Variants in TMOD3 observed in about 807,000 individuals in gnomAD.
TMOD3 encodes the protein tropomodulin 3.
Under a neutral mutation model 39.2 loss-of-function variants are expected in TMOD3, and 20 were observed. The observed-to-expected ratio is 0.51, with a 90% CI of 0.36 to 0.74. TMOD3 has a LOEUF of 0.74. Ranked by LOEUF, TMOD3 falls within the 30% of genes least tolerant of loss-of-function variation. The pLI, the probability that TMOD3 is intolerant of heterozygous loss-of-function variation, is 0.00. For synonymous variants in TMOD3, 143 were observed against 145.8 expected, an observed-to-expected ratio of 0.98 and a Z score of 0.14; for missense variants, 381 against 412.8, an observed-to-expected ratio of 0.92 and a Z score of 0.67.
At chr15:51,871,171 T>A (rs1448335934) in intron 3 of TMOD3, among the ~76,000 whole-genome samples, 1 of 152,212 alleles carries the variant, frequency 6.6e-6, no homozygotes, top group Non-Finnish European at 1.5e-5. Context: ...CAGGTGGGAA[T>A]GTCATGTCCC....
chr15:51,887,956 A>T (rs2056573639), intron 4 of TMOD3, among the ~76,000 whole-genome samples: 1 of 152,228 alleles, frequency 6.6e-6, no homozygotes, highest in African/African-American at 2.4e-5. Context: ...ATCTTTTCCC[A>T]TGTTGTCATA....
At chr15:51,903,462 A>G (rs1405400182) in intron 9 of TMOD3, among the ~76,000 whole-genome samples, 1 of 152,214 alleles carries the variant, frequency 6.6e-6, no homozygotes, top group Non-Finnish European at 1.5e-5. Flanking sequence ...CCCATTCTGT[A>G]AAAGTTTCTG....
chr15:51,838,776 T>G (rs1358929573), intron 1 of TMOD3, among the ~76,000 whole-genome samples: 1 of 152,156 alleles, frequency 6.6e-6, no homozygotes, highest in Non-Finnish European at 1.5e-5. Context: ...TGACCTTCTG[T>G]GCTTTCCCCT....
At chr15:51,879,485 T>C (rs963226185) in intron 3 of TMOD3, among the ~76,000 whole-genome samples, 1 of 152,108 alleles carries the variant, frequency 6.6e-6, no homozygotes, top group African/African-American at 2.4e-5. Context: ...GTCATTTAGA[T>C]AGAATGCTAT....
intron 6 of TMOD3, 77 bp from the exon 7 acceptor site, chr15:51,896,342 A>T (rs937463919): frequency 4.8e-6 from 5 of 1,050,290 alleles, no homozygotes; most frequent in Non-Finnish European, 7.0e-6. Context: ...AGCAAAAAAA[A>T]CCATATATTT....
At position 51,915,154 on chromosome 15, in the gene TMOD3, T is replaced by C. The variant is rs1378330177; in HGVS notation, c.*6344T>C. 6.6e-6 allele frequency: 1 copy of C among 152,122 alleles called. No individual in the cohort carries two copies. The highest frequency in any genetic ancestry group is 1.5e-5 in the Non-Finnish European group (1 of 68,026). The allele number at this position is 152,122 out of a possible 1,614,324, so 9.4% of individuals were successfully genotyped here. A position where few individuals can be genotyped will look rare whatever the true frequency, so the allele number is the denominator to read the frequency against. Reference sequence around the variant, plus strand: ...ATTAATTGGCCTAAAATGTTTCAAATATTATAGTCTATACATTCAGAAAGT... The same window carrying C: ...ATTAATTGGCCTAAAATGTTTCAAACATTATAGTCTATACATTCAGAAAGT... On this transcript the variant is annotated 3_prime_UTR_variant, in exon 10 of 10. Transcript: ENST00000308580.
Position 51,915,106 on chromosome 15 carries a change from T to C in TMOD3, c.*6296T>C, listed in dbSNP as rs879760721. ...GTTTTACTCCCTTTTCTACACTCAG[T>C]ATGTTTTAATTGATGCAAAGCAATT... On this transcript the variant is annotated 3_prime_UTR_variant, in exon 10 of 10. Coordinates refer to ENST00000308580, the MANE Select transcript of TMOD3 (RefSeq NM_014547.5). 1.1e-4 allele frequency: 17 copies of C among 152,154 alleles called. No homozygotes were observed. Among genetic ancestry groups the C allele is most frequent in the Non-Finnish European group, 2.9e-5 (2 of 68,024 alleles). 9.4% of individuals were successfully genotyped at this position (152,154 alleles called of 1,614,324 possible).
At chr15:51,870,398 G>A (rs1409271624) in intron 3 of TMOD3, among the ~76,000 whole-genome samples, 2 of 152,192 alleles carry the variant, frequency 1.3e-5, no homozygotes, top group Non-Finnish European at 1.5e-5. Flanking sequence ...GGGGAATGGT[G>A]GCAGCAGTAG....
rs2056719116 is a variant in TMOD3, at chr15:51,913,072, C to T, written c.*4262C>T. On this transcript the variant is annotated 3_prime_UTR_variant, in exon 10 of 10. Transcript: ENST00000308580. ...CACTGCAGCTTCCACCTCCCAGATTCAAGTGATTCTCCTGCCTCAGCCTCC... is the reference window on the plus strand; with the variant it reads ...CACTGCAGCTTCCACCTCCCAGATTTAAGTGATTCTCCTGCCTCAGCCTCC... The T allele has an allele frequency of 6.6e-6, 1 of 152,290 alleles. No individual in the cohort carries two copies. The highest frequency in any genetic ancestry group is 6.5e-5 in the Admixed American group (1 of 15,280). 9.4% of individuals were successfully genotyped at this position (152,290 alleles called of 1,614,324 possible). A position where few individuals can be genotyped will look rare whatever the true frequency, so the allele number is the denominator to read the frequency against.
rs753814979 is a variant in TMOD3 at position 51,881,550 on chromosome 15, C to CTTTTTTTTTTTTTTTTT, written c.284-6027_284-6011dup. Reference sequence around the variant, plus strand: ...ACGGAGATACAATCTTTCTTTATTTCTTTTTTTTTTTTTTTTTTTTTTTTT... The same window carrying CTTTTTTTTTTTTTTTTT: ...ACGGAGATACAATCTTTCTTTATTTCTTTTTTTTTTTTTTTTTTTTTTTTTTTTTTTTTTTTTTTTTT... On this transcript the variant is annotated intron_variant, in intron 3 of 9. Coordinates refer to ENST00000308580, the MANE Select transcript of TMOD3 (RefSeq NM_014547.5). Among the ~76,000 whole-genome samples, 17 of 61,840 alleles carry CTTTTTTTTTTTTTTTTT rather than the reference C, an allele frequency of 2.7e-4. 4 individuals are homozygous for CTTTTTTTTTTTTTTTTT. The highest frequency in any genetic ancestry group is 1.2e-3 in the African/African-American group (17 of 14,602). The allele number at this position is 61,840 out of a possible 152,430, so 40.6% of individuals were successfully genotyped here.
rs192093095 is a variant in TMOD3, at chr15:51,846,497, A to G, written c.-74-16314A>G. ...TATTTTAGGTTTTATGTGTTCTTCA[A>G]TGCTTACTAACTTGGTGGATTAAGA... On this transcript the variant is annotated intron_variant, in intron 1 of 9. Coordinates refer to ENST00000308580, the MANE Select transcript of TMOD3 (RefSeq NM_014547.5). 3.3e-5 allele frequency among the ~76,000 whole-genome samples: 5 copies of G among 152,332 alleles called. No homozygotes were observed. In the East Asian group the frequency reaches 5.8e-4, roughly 18 times the overall value.
At chr15:51,862,069 T>C (rs1183067760) in intron 1 of TMOD3, among the ~76,000 whole-genome samples, 4 of 152,184 alleles carry the variant, frequency 2.6e-5, no homozygotes, top group Non-Finnish European at 4.4e-5. Context: ...CTTTGATATA[T>C]GCCAACTTCT....
intron 3 of TMOD3, among the ~76,000 whole-genome samples, chr15:51,882,340 A>G (rs145602046): frequency 0.024 from 3,616 of 151,730 alleles, 63 homozygotes; most frequent in Non-Finnish European, 0.038. Context: ...GGAGTTTAAG[A>G]CCAGCCTGAC....
At chr15:51,886,298 T>G (rs536062648) in intron 3 of TMOD3, among the ~76,000 whole-genome samples, 4 of 152,214 alleles carry the variant, frequency 2.6e-5, no homozygotes, top group Admixed American at 2.6e-4. Flanking sequence ...CTGGGCACTT[T>G]GGGAGGCCAA....
At chr15:51,849,465 C>A (rs1567262880) in intron 1 of TMOD3, among the ~76,000 whole-genome samples, 1 of 152,132 alleles carries the variant, frequency 6.6e-6, no homozygotes, top group South Asian at 2.1e-4. Context: ...GAAAGAGAAG[C>A]TGTCCAAGGA....
intron 1 of TMOD3, among the ~76,000 whole-genome samples, chr15:51,840,806 A>G (rs184133898): frequency 6.6e-6 from 1 of 152,158 alleles, no homozygotes; most frequent in Non-Finnish European, 1.5e-5. Flanking sequence ...GCTCTTAGAA[A>G]CTGCATTAAA....
chr15:51,872,264 G>A (rs890568487), intron 3 of TMOD3, among the ~76,000 whole-genome samples: 2 of 152,044 alleles, frequency 1.3e-5, no homozygotes, highest in Admixed American at 6.6e-5. Context: ...ATGGTGGCAT[G>A]CACCTGTAAT....
chr15:51,907,796 G>A (rs1595915720), intron 9 of TMOD3, among the ~76,000 whole-genome samples: 1 of 152,200 alleles, frequency 6.6e-6, no homozygotes, highest in Admixed American at 6.5e-5. Context: ...TGAAGTTGAA[G>A]ACCTTGTTCT....
intron 1 of TMOD3, among the ~76,000 whole-genome samples, chr15:51,857,352 T>C (rs1323886876): frequency 6.6e-6 from 1 of 152,212 alleles, no homozygotes; most frequent in African/African-American, 2.4e-5. Flanking sequence ...AGGGTGTTCA[T>C]GGTTTTTCAT....
Sources: gnomAD v4.1 joint callset for allele counts (sites outside exome capture counted in the v4.1 genomes callset) on GRCh38, gnomAD v4.1.1 for gene constraint, MANE v1.5 for transcripts, NCBI Gene and HGNC (gene_info 2026-07-23, HGNC 2026-07-21) for gene names.